Variants in AOPEP observed in about 807,000 individuals in gnomAD.
AOPEP encodes the protein aminopeptidase O.
In AOPEP, 77 loss-of-function variants were observed where a neutral mutation model predicts 98.1. That is an observed-to-expected ratio of 0.78 (90% confidence interval 0.65 to 0.95). AOPEP has a LOEUF of 0.95. AOPEP is among the 40% of genes least tolerant of loss of function. The probability of loss-of-function intolerance (pLI) is 0.00; values close to 1 mark genes in which losing one functional copy is unlikely to be tolerated. For synonymous variants in AOPEP, 346 were observed against 365.3 expected (o/e 0.95, Z 0.60); for missense variants, 1,024 against 1,024.7 (o/e 1.00, Z 0.01).
At chr9:94,918,040 G>A (rs772206290) in intron 5 of AOPEP, among the ~76,000 whole-genome samples, 5 of 152,034 alleles carry the variant, frequency 3.3e-5, no homozygotes, top group Non-Finnish European at 5.9e-5. Context: ...CTTTGAGTTT[G>A]TGACCTGCTT....
chr9:94,976,480 C>T (rs2059847969), intron 10 of AOPEP, among the ~76,000 whole-genome samples: 1 of 152,154 alleles, frequency 6.6e-6, no homozygotes, highest in Non-Finnish European at 1.5e-5. Context: ...TAAGTCGCTC[C>T]TCGGACTTCT....
intron 5 of AOPEP, among the ~76,000 whole-genome samples, chr9:94,853,868 G>T (rs2043864698): frequency 6.6e-6 from 1 of 152,172 alleles, no homozygotes; most frequent in South Asian, 2.1e-4. Flanking sequence ...CACGCATGGA[G>T]AAGCAGTTAC....
chr9:95,033,334 C>T (rs567046490), intron 13 of AOPEP, among the ~76,000 whole-genome samples: 2 of 152,222 alleles, frequency 1.3e-5, no homozygotes, highest in South Asian at 4.2e-4. Context: ...CCTCTCTTAC[C>T]CCCTAAAACC....
At chr9:94,961,445 C>T (rs1197037638) in intron 9 of AOPEP, among the ~76,000 whole-genome samples, 3 of 152,150 alleles carry the variant, frequency 2.0e-5, no homozygotes, top group Admixed American at 2.0e-4. Context: ...TTATGTCATC[C>T]TTGTCCTCTA....
intron 1 of AOPEP, among the ~76,000 whole-genome samples, chr9:94,736,613 C>T (rs978339216): frequency 6.6e-6 from 1 of 152,050 alleles, no homozygotes; most frequent in Non-Finnish European, 1.5e-5. Flanking sequence ...ATTTTTATCC[C>T]AGCATGACAA....
chr9:94,754,559 A>G (rs991753206), intron 1 of AOPEP, among the ~76,000 whole-genome samples: 36 of 152,226 alleles, frequency 2.4e-4, no homozygotes, highest in African/African-American at 8.2e-4. Context: ...ATAACTTAGC[A>G]CTAGACTATA....
chr9:95,100,629 C>T, the AOPEP span: 1 of 230,112 alleles, frequency 4.3e-6, no homozygotes, highest in Non-Finnish European at 8.6e-6. Context: ...CTTGAGATTA[C>T]ACTAACAATG....
intron 14 of AOPEP, among the ~76,000 whole-genome samples, chr9:95,074,919 T>C (rs7031832): frequency 0.044 from 6,639 of 152,214 alleles, 487 homozygotes; most frequent in African/African-American, 0.15. Flanking sequence ...AGGTGAGGTG[T>C]TGGGTGCTTG....
At chr9:95,118,370 G>A in the AOPEP span, among the ~76,000 whole-genome samples, 1 of 152,228 alleles carries the variant, frequency 6.6e-6, no homozygotes, top group Non-Finnish European at 1.5e-5. Flanking sequence ...CTCGCATTTC[G>A]AGGGCCAAAG....
intron 11 of AOPEP, among the ~76,000 whole-genome samples, chr9:94,996,387 TG>T (rs1564498135): frequency 1.6e-3 from 237 of 143,972 alleles, no homozygotes; most frequent in African/African-American, 5.7e-3. Flanking sequence ...TGTGTGTGTG[TG>T]TGTGAGAGAG....
intron 5 of AOPEP, among the ~76,000 whole-genome samples, chr9:94,872,372 C>T (rs139437224): frequency 1.4e-3 from 218 of 152,252 alleles, no homozygotes; most frequent in African/African-American, 4.8e-3. Flanking sequence ...TGCCTTACAT[C>T]GCTACTCAGA....
chr9:94,831,782 A>G (rs1389662212), intron 5 of AOPEP, among the ~76,000 whole-genome samples: 3 of 152,104 alleles, frequency 2.0e-5, no homozygotes, highest in East Asian at 3.9e-4. Context: ...CAAGTGCTAC[A>G]AAGAGAAAAA....
intron 5 of AOPEP, among the ~76,000 whole-genome samples, chr9:94,863,057 G>A (rs1018048953): frequency 1.3e-5 from 2 of 152,210 alleles, no homozygotes; most frequent in Admixed American, 6.5e-5. Flanking sequence ...GTGCGTGACA[G>A]AACACTTGAA....
At chr9:94,871,420 G>A (rs2046334894) in intron 5 of AOPEP, among the ~76,000 whole-genome samples, 1 of 152,042 alleles carries the variant, frequency 6.6e-6, no homozygotes, top group Non-Finnish European at 1.5e-5. Flanking sequence ...AATCTTCTTG[G>A]CCACAATAAA....
chr9:95,111,275 G>A, the AOPEP span: 1 of 1,557,002 alleles, frequency 6.4e-7, no homozygotes, highest in African/African-American at 1.4e-5. Flanking sequence ...CACCTCGGTG[G>A]GGACAGGAGA....
intron 5 of AOPEP, among the ~76,000 whole-genome samples, chr9:94,878,710 A>T (rs1483686248): frequency 1.3e-5 from 2 of 152,206 alleles, no homozygotes; most frequent in African/African-American, 4.8e-5. Context: ...ATTTAATGCC[A>T]ACAGTAGTAC....
chr9:95,114,458 A>G, the AOPEP span: 18 of 718,516 alleles, frequency 2.5e-5, no homozygotes, highest in Non-Finnish European at 4.1e-5. Flanking sequence ...GCTCCAAGCC[A>G]TCCGTGCAGC....
chr9:94,953,003 C>G (rs1462780017), intron 7 of AOPEP, among the ~76,000 whole-genome samples: 1 of 152,216 alleles, frequency 6.6e-6, no homozygotes, highest in African/African-American at 2.4e-5. Context: ...AGATTTACAT[C>G]ATTCTTCTGT....
chr9:95,141,985 G>GTTTTTTTT, the AOPEP span, among the ~76,000 whole-genome samples: 12 of 83,154 alleles, frequency 1.4e-4, no homozygotes, highest in African/African-American at 2.4e-4. Context: ...AGTTTGTGGG[G>GTTTTTTTT]TTTTTTTTTT....
Sources: allele counts gnomAD v4.1 joint callset (sites outside exome capture counted in the v4.1 genomes callset), GRCh38; gene constraint gnomAD v4.1.1; transcripts MANE v1.5; gene names NCBI Gene and HGNC (gene_info 2026-07-23, HGNC 2026-07-21).